The following PLA2G7 variants were observed in gnomAD, a reference collection of about 807,000 sequenced individuals.
PLA2G7 encodes platelet-activating factor acetylhydrolase.
In PLA2G7, 63 loss-of-function variants were observed where a neutral mutation model predicts 49.6. The ratio of observed to expected loss-of-function variants is 1.27; its 90% confidence interval spans 1.04 to 1.57. The LOEUF (loss-of-function observed/expected upper bound fraction) is 1.57. Ranked by LOEUF, PLA2G7 falls within the 40% of genes most tolerant of loss-of-function variation. The pLI, the probability that PLA2G7 is intolerant of heterozygous loss-of-function variation, is 0.00. For synonymous variants in PLA2G7, 193 were observed against 169.9 expected (o/e 1.14, Z -1.06); for missense variants, 596 against 521.2 (o/e 1.14, Z -1.40).
chr6:46,707,902 A>G, intron 10 of PLA2G7, 89 bp downstream of exon 10: 1 of 795,916 alleles, frequency 1.3e-6, no homozygotes, highest in Non-Finnish European at 2.1e-6. Flanking sequence ...CAATTCAGCA[A>G]TTCTTTAATA....
intron 2 of PLA2G7, among the ~76,000 whole-genome samples, chr6:46,720,418 G>T (rs957714335): frequency 6.6e-6 from 1 of 152,234 alleles, no homozygotes; most frequent in South Asian, 2.1e-4. Context: ...TCAAGGTGAG[G>T]TCTGCCTGTT....
chr6:46,733,289 G>A (rs1765790595), intron 1 of PLA2G7, among the ~76,000 whole-genome samples: 1 of 152,208 alleles, frequency 6.6e-6, no homozygotes, highest in African/African-American at 2.4e-5. Flanking sequence ...ACAATGGAGA[G>A]GAAATGAGGA....
At chr6:46,713,157 A>G (rs1765086595) in intron 5 of PLA2G7, among the ~76,000 whole-genome samples, 3 of 152,250 alleles carry the variant, frequency 2.0e-5, no homozygotes, top group African/African-American at 7.2e-5. Flanking sequence ...TAAGCACTGC[A>G]TTTATGCCCT....
chr6:46,713,100 A>G (rs1765084091), intron 5 of PLA2G7, among the ~76,000 whole-genome samples: 1 of 152,240 alleles, frequency 6.6e-6, no homozygotes, highest in Non-Finnish European at 1.5e-5. Flanking sequence ...CATGTTAGCT[A>G]TTATTTAAAT....
rs1765447436 is a variant in PLA2G7 at position 46,722,940 on chromosome 6, A to G, written c.-34-15T>C. 1 of 1,078,774 alleles carries G rather than the reference A, an allele frequency of 9.3e-7. No individual in the cohort carries two copies. Among genetic ancestry groups the G allele is most frequent in the South Asian group, 1.3e-5 (1 of 77,478 alleles). 66.8% of individuals were successfully genotyped at this position (1,078,774 alleles called of 1,614,324 possible). A position where few individuals can be genotyped will look rare whatever the true frequency, so the allele number is the denominator to read the frequency against. On this transcript the variant is annotated splice_polypyrimidine_tract_variant and intron_variant, in intron 1 of 11. Transcript: ENST00000274793. ...AGCTTAGTCTCCTTCGAAGCAGATG[A>G]TTAAAAGAAAAAAGAAGTATGCAAT...
intron 6 of PLA2G7, among the ~76,000 whole-genome samples, 153 bp from the exon 7 acceptor site, chr6:46,711,772 G>A (rs1300944576): frequency 1.3e-5 from 2 of 152,036 alleles, no homozygotes; most frequent in Non-Finnish European, 2.9e-5. Context: ...AAAGAAGACT[G>A]TAAAAGAGTT....
At chr6:46,716,064 C>T (rs1305197619) in intron 4 of PLA2G7, among the ~76,000 whole-genome samples, 1 of 152,102 alleles carries the variant, frequency 6.6e-6, no homozygotes, top group Admixed American at 6.6e-5. Context: ...GGGATAGTGG[C>T]CACACCAAAT....
chr6:46,704,476 TCTCACACA>T lies in PLA2G7; in HGVS notation c.*76_*83del, dbSNP rs879491133. Reference sequence around the variant, plus strand: ...CTCTCTCTCTCTCTCTCTCTCTCTCTCTCACACACACACACACACACACACACACACAC... The same window carrying T: ...CTCTCTCTCTCTCTCTCTCTCTCTCTCACACACACACACACACACACACAC... On this transcript the variant is annotated 3_prime_UTR_variant, in exon 12 of 12. Coordinates refer to ENST00000274793, the MANE Select transcript of PLA2G7 (RefSeq NM_005084.4). The T allele has an allele frequency of 0.017, 870 of 51,940 alleles. No homozygotes were observed. The highest frequency in any genetic ancestry group is 0.025 in the Middle Eastern group (4 of 160). The allele number at this position is 51,940 out of a possible 1,614,324, so 3.2% of individuals were successfully genotyped here. A position where few individuals can be genotyped will look rare whatever the true frequency, so the allele number is the denominator to read the frequency against.
chr6:46,710,419 G>A, intron 8 of PLA2G7, 126 bp downstream of exon 8: 1 of 699,200 alleles, frequency 1.4e-6, no homozygotes, highest in Non-Finnish European at 2.6e-6. Context: ...GTCTGTGTGT[G>A]CGCATTGGGG....
intron 9 of PLA2G7, 150 bp downstream of exon 9, chr6:46,709,177 A>T (rs1764926085): frequency 1.6e-6 from 1 of 610,966 alleles, no homozygotes. Context: ...AGGAAAATGT[A>T]TATAGAGTAT....
At chr6:46,729,223 G>A (rs1270674402) in intron 1 of PLA2G7, among the ~76,000 whole-genome samples, 2 of 152,136 alleles carry the variant, frequency 1.3e-5, no homozygotes, top group Non-Finnish European at 2.9e-5. Context: ...CCAGGAGGAT[G>A]CAGTATTAAA....
intron 5 of PLA2G7, among the ~76,000 whole-genome samples, chr6:46,713,299 G>C (rs78327155): frequency 6.6e-6 from 1 of 152,152 alleles, no homozygotes; most frequent in Non-Finnish European, 1.5e-5. Flanking sequence ...TTCAAGAGGG[G>C]GGAATGATAT....
At chr6:46,731,569 T>C (rs562639230) in intron 1 of PLA2G7, among the ~76,000 whole-genome samples, 5 of 152,238 alleles carry the variant, frequency 3.3e-5, no homozygotes, top group Non-Finnish European at 5.9e-5. Context: ...TTGTTTTTAT[T>C]GGTAACTCTT....
In PLA2G7 at chr6:46,716,507, A is replaced by G; in HGVS notation, c.253T>C (p.Tyr85His). 1.2e-6 allele frequency: 2 copies of G among 1,613,912 alleles called. No individual in the cohort carries two copies. The highest frequency in any genetic ancestry group is 2.2e-5 in the East Asian group (1 of 44,852). The change falls in exon 4 of 12, where the codon TAT becomes CAT. Residue 85 changes from tyrosine to histidine, a missense_variant. Tyr to His is a moderately conservative substitution (Grantham distance 83, BLOSUM62 2). Coordinates refer to ENST00000274793, the MANE Select transcript of PLA2G7 (RefSeq NM_005084.4). ...AGGCGATCATTATCTTGGGATGGAT[A>G]ATATAAACGCAAGAAGGTGCCCTGT... ...TNKGTFLRLY[Y>H]PSQDNDRLDT...
chr6:46,723,409 A>G (rs1765465204), intron 1 of PLA2G7, among the ~76,000 whole-genome samples: 3 of 152,152 alleles, frequency 2.0e-5, no homozygotes. Flanking sequence ...TATTCTTGCT[A>G]ATTTCTATAA....
intron 1 of PLA2G7, among the ~76,000 whole-genome samples, chr6:46,728,702 G>C (rs1472922109): frequency 6.6e-6 from 1 of 152,180 alleles, no homozygotes; most frequent in Non-Finnish European, 1.5e-5. Context: ...GTAAGTTCCT[G>C]ATCTTACTCT....
chr6:46,713,635 C>T (rs958649618), intron 5 of PLA2G7, among the ~76,000 whole-genome samples: 2 of 152,164 alleles, frequency 1.3e-5, no homozygotes, highest in African/African-American at 4.8e-5. Context: ...AAAGCCATCT[C>T]TCTTATTTTC....
At chr6:46,721,296 C>T (rs1765392421) in intron 2 of PLA2G7, among the ~76,000 whole-genome samples, 2 of 152,042 alleles carry the variant, frequency 1.3e-5, no homozygotes, top group South Asian at 4.2e-4. Flanking sequence ...GATCCACCCA[C>T]CTCGGCCTCC....
chr6:46,734,917 A>G (rs188553199), intron 1 of PLA2G7, among the ~76,000 whole-genome samples: 100 of 152,270 alleles, frequency 6.6e-4, no homozygotes, highest in African/African-American at 2.3e-3. Flanking sequence ...TTCTCCCCCC[A>G]GCTCTGAGCT....
Sources: gnomAD v4.1 joint callset for allele counts (sites outside exome capture counted in the v4.1 genomes callset) on GRCh38, gnomAD v4.1.1 for gene constraint, MANE v1.5 for transcripts, NCBI Gene and HGNC (gene_info 2026-07-23, HGNC 2026-07-21) for gene names.